PCDHA5: variants seen among roughly 807,000 people sequenced by gnomAD.
The protein encoded by PCDHA5 is protocadherin alpha 5.
In PCDHA5, 43 loss-of-function variants were observed where a neutral mutation model predicts 61.6. The ratio of observed to expected loss-of-function variants is 0.70; its 90% CI spans 0.55 to 0.90. The LOEUF (loss-of-function observed/expected upper bound fraction) is 0.90, where lower values mean the gene tolerates loss of function less well. Among genes scored for constraint, PCDHA5 ranks in the 40% least tolerant of loss-of-function variants. The pLI, the probability that PCDHA5 is intolerant of heterozygous loss-of-function variation, is 0.00. For synonymous variants in PCDHA5, 627 were observed against 543.9 expected (o/e 1.15, Z -2.13); for missense variants, 1,298 against 1,222.7 (o/e 1.06, Z -0.92).
chr5:140,968,091 C>T lies in PCDHA5; in HGVS notation c.2353-10858C>T, dbSNP rs782079016. 1.4e-5 allele frequency: 22 copies of T among 1,614,128 alleles called. No individual in the cohort carries two copies. Among genetic ancestry groups the T allele is most frequent in the Non-Finnish European group, 1.9e-5 (22 of 1,180,016 alleles). On this transcript the variant is annotated intron_variant, in intron 1 of 3. Coordinates refer to ENST00000529859, the MANE Select transcript of PCDHA5 (RefSeq NM_018908.3). ...GTCTACAACATCACGGTGACAGCCA[C>T]AGATGGGGGAATACCGCAGCTCACA...
chr5:140,829,868 A>G, intron 1 of PCDHA5: 1 of 1,613,886 alleles, frequency 6.2e-7, no homozygotes, highest in East Asian at 2.2e-5. Context: ...AGTGGTGGCG[A>G]AGGTGCGCGC....
At chr5:140,870,010 G>A in intron 1 of PCDHA5, 1 of 1,613,560 alleles carries the variant, frequency 6.2e-7, no homozygotes, top group Non-Finnish European at 8.5e-7. Context: ...AGAAGTGAGG[G>A]TCAATGGAAC....
chr5:140,877,607 T>C (rs782533203), intron 1 of PCDHA5: 5 of 1,613,712 alleles, frequency 3.1e-6, no homozygotes. Flanking sequence ...AGCCTGCTGG[T>C]GCTCACGCTG....
intron 1 of PCDHA5, chr5:140,851,063 G>A (rs1192104512): frequency 7.3e-7 from 1 of 1,372,672 alleles, no homozygotes; most frequent in Non-Finnish European, 9.6e-7. Context: ...TTGACTTCTA[G>A]TGAGAATTAT....
chr5:140,835,835 G>A (rs2150246191), intron 1 of PCDHA5: 1 of 1,612,346 alleles, frequency 6.2e-7, no homozygotes, highest in Non-Finnish European at 8.5e-7. Context: ...ACGCGGACGC[G>A]CAGAAGAACG....
intron 1 of PCDHA5, among the ~76,000 whole-genome samples, chr5:140,946,209 T>C (rs2153672553): frequency 6.6e-6 from 1 of 152,022 alleles, no homozygotes; most frequent in East Asian, 1.9e-4. Flanking sequence ...AGCACACAAA[T>C]GACCAACAGG....
chr5:140,885,936 T>G (rs994325798), intron 1 of PCDHA5, among the ~76,000 whole-genome samples: 5 of 152,198 alleles, frequency 3.3e-5, no homozygotes, highest in Admixed American at 6.5e-5. Context: ...ATCTATTTTT[T>G]GACATTTTTA....
At position 140,823,128 on chromosome 5, in the gene PCDHA5, T is replaced by G; in HGVS notation, c.1353T>G (p.Ala451=). The change falls in exon 1 of 4, where the codon GCT becomes GCG. Residue 451 remains alanine, a synonymous_variant. Transcript: ENST00000529859. ...SVEVADVNDN[A]PAFAQPQYTV... ...AAGTGGCCGACGTGAACGACAACGC[T>G]CCGGCGTTCGCGCAGCCCCAGTATA... The G allele has an allele frequency of 3.7e-6, 6 of 1,613,702 alleles. No individual in the cohort carries two copies. The highest frequency in any genetic ancestry group is 1.1e-5 in the South Asian group (1 of 91,060).
chr5:140,984,969 G>A (rs1045140349), intron 3 of PCDHA5, among the ~76,000 whole-genome samples: 8 of 151,670 alleles, frequency 5.3e-5, no homozygotes, highest in South Asian at 2.1e-4. Context: ...ACAGAGTCTC[G>A]CTCTGTCCCC....
In PCDHA5 at chr5:140,821,666, A is replaced by C; in HGVS notation, c.-110A>C. 1.6e-6 allele frequency: 2 copies of C among 1,238,068 alleles called. No homozygotes were observed. The highest frequency in any genetic ancestry group is 1.6e-5 in the South Asian group (1 of 64,512). 76.7% of individuals were successfully genotyped at this position (1,238,068 alleles called of 1,614,324 possible). A position where few individuals can be genotyped will look rare whatever the true frequency, so the allele number is the denominator to read the frequency against. ...ACCTTCCATTTTTGGCTGTGCCAAG[A>C]AGCTCAGAAAGGCGATAATATAAAA... is the stretch of plus-strand genomic sequence containing the variant. On this transcript the variant is annotated 5_prime_UTR_variant, in exon 1 of 4. Coordinates refer to ENST00000529859, the MANE Select transcript of PCDHA5 (RefSeq NM_018908.3).
chr5:140,854,123 CT>C (rs1554147020), intron 1 of PCDHA5: 1 of 348,562 alleles, frequency 2.9e-6, no homozygotes, highest in Non-Finnish European at 3.9e-6. Context: ...GATGGCACAA[CT>C]GCATTTCAGC....
chr5:140,915,992 G>A (rs1437857401), intron 1 of PCDHA5, among the ~76,000 whole-genome samples: 2 of 152,134 alleles, frequency 1.3e-5, no homozygotes, highest in African/African-American at 4.8e-5. Context: ...GGCTAAGCTG[G>A]CACTCAAACC....
chr5:140,850,815 C>A (rs2041835353), intron 1 of PCDHA5: 1 of 1,598,236 alleles, frequency 6.3e-7, no homozygotes, highest in East Asian at 2.2e-5. Flanking sequence ...GGCCTTCAGC[C>A]CGGGCCTTTC....
intron 1 of PCDHA5, among the ~76,000 whole-genome samples, chr5:140,950,849 T>G (rs1403920591): frequency 6.6e-6 from 1 of 152,120 alleles, no homozygotes; most frequent in Non-Finnish European, 1.5e-5. Flanking sequence ...ATACATTTCT[T>G]TCATATTCTT....
intron 1 of PCDHA5, among the ~76,000 whole-genome samples, chr5:140,892,438 ATT>A (rs2063515415): frequency 6.6e-6 from 1 of 152,198 alleles, no homozygotes; most frequent in African/African-American, 2.4e-5. Context: ...ATTATCTAAA[ATT>A]TACATGTATT....
intron 1 of PCDHA5, chr5:140,836,231 C>G (rs2150256029): frequency 2.5e-6 from 4 of 1,613,626 alleles, no homozygotes; most frequent in Admixed American, 1.7e-5. Flanking sequence ...CGGTGGCGGC[C>G]GGTGCGAGCA....
intron 1 of PCDHA5, chr5:140,883,540 G>A (rs782359917): frequency 1.9e-6 from 3 of 1,614,222 alleles, no homozygotes; most frequent in Non-Finnish European, 2.5e-6. Context: ...ATGAACTGGT[G>A]GTGACCGCGC....
At chr5:140,891,358 G>A (rs1002422244) in intron 1 of PCDHA5, among the ~76,000 whole-genome samples, 1 of 152,044 alleles carries the variant, frequency 6.6e-6, no homozygotes. Flanking sequence ...TCCATCACCT[G>A]AGCAGTATAC....
At chr5:140,922,927 T>C (rs1257564815) in intron 1 of PCDHA5, among the ~76,000 whole-genome samples, 1 of 152,214 alleles carries the variant, frequency 6.6e-6, no homozygotes, top group Non-Finnish European at 1.5e-5. Flanking sequence ...TTCAGACTTT[T>C]ACTTCCAGCA....
Sources: allele counts gnomAD v4.1 joint callset (sites outside exome capture counted in the v4.1 genomes callset), GRCh38; gene constraint gnomAD v4.1.1; transcripts MANE v1.5; gene names NCBI Gene and HGNC (gene_info 2026-07-23, HGNC 2026-07-21).